The following WHRN variants were observed in gnomAD, a reference collection of about 807,000 sequenced individuals.
The protein encoded by WHRN is whirlin.
In WHRN, 41 loss-of-function variants were observed where a neutral mutation model predicts 68.3. That is an observed-to-expected ratio of 0.60 (90% CI 0.47 to 0.78). The LOEUF is 0.78. Among genes scored for constraint, WHRN ranks in the 30% least tolerant of loss-of-function variants. The pLI is 0.00. For synonymous variants in WHRN, 560 were observed against 561.3 expected (o/e 1.00, Z 0.03); for missense variants, 1,243 against 1,244.7 (o/e 1.00, Z 0.02).
chr9:114,505,199 C>G lies in WHRN; in HGVS notation c.-398G>C, dbSNP rs938161609. 3.3e-5 allele frequency: 6 copies of G among 179,564 alleles called. No homozygotes were observed. The highest frequency in any genetic ancestry group is 5.7e-5 in the Non-Finnish European group (5 of 87,152). 11.1% of individuals were successfully genotyped at this position (179,564 alleles called of 1,614,324 possible). A position where few individuals can be genotyped will look rare whatever the true frequency, so the allele number is the denominator to read the frequency against. ...TGGGGGCGCCGCAAAGCTGACCTGACTGCCCCGTCACACCATGCCCGGGGC... is the reference window on the plus strand; with the variant it reads ...TGGGGGCGCCGCAAAGCTGACCTGAGTGCCCCGTCACACCATGCCCGGGGC... On this transcript the variant is annotated 5_prime_UTR_variant, in exon 1 of 12. Transcript: ENST00000362057.
chr9:114,487,241 G>A (rs1001886932), intron 1 of WHRN, among the ~76,000 whole-genome samples: 2 of 146,420 alleles, frequency 1.4e-5, no homozygotes, highest in African/African-American at 2.6e-5. Context: ...AGAGAACTCA[G>A]TACCCAGAAC....
intron 3 of WHRN, among the ~76,000 whole-genome samples, chr9:114,445,427 GGAGT>G (rs1838735951): frequency 6.6e-6 from 1 of 152,182 alleles, no homozygotes; most frequent in Non-Finnish European, 1.5e-5. Flanking sequence ...ACTGTTCATA[GGAGT>G]TGCCTCCAAG....
rs115747361 is a variant in WHRN, at chr9:114,495,654, G to T, written c.618+8530C>A. On this transcript the variant is annotated intron_variant, in intron 1 of 11. Coordinates refer to ENST00000362057, the MANE Select transcript of WHRN (RefSeq NM_015404.4). ...ACATTTGGGGAAAGAGGAATTTGAG[G>T]GAGAGCTGTACATGTATATGGACCT... Among the ~76,000 whole-genome samples the T allele has an allele frequency of 8.8e-3, 1,342 of 152,268 alleles. 16 individuals carry two copies. Among genetic ancestry groups the T allele is most frequent in the African/African-American group, 0.03 (1,264 of 41,532 alleles).
chr9:114,469,941 A>G (rs545474567), intron 2 of WHRN, among the ~76,000 whole-genome samples: 1 of 152,312 alleles, frequency 6.6e-6, no homozygotes, highest in East Asian at 1.9e-4. Flanking sequence ...GCAGCACGGC[A>G]TCTTCCAATC....
In WHRN at chr9:114,402,923, G is replaced by A; in HGVS notation, c.2555C>T (p.Ala852Val). 6.2e-7 allele frequency: 1 copy of A among 1,611,058 alleles called. No homozygotes were observed. The change falls in exon 12 of 12, where the codon GCT (alanine) becomes GTT (valine). Residue 852 changes from alanine (A) to valine (V), a missense_variant. By Grantham distance (64) the Ala-to-Val change is moderately conservative. Coordinates refer to ENST00000362057, the MANE Select transcript of WHRN (RefSeq NM_015404.4). Reference protein sequence around the residue: ...RIVTIQRGGSAHNCGQLKVGH... With the variant: ...RIVTIQRGGSVHNCGQLKVGH... The stretch of plus-strand genomic sequence containing the variant: ...CACCTTGAGCTGCCCACAGTTGTGA[G>A]CTGAGCCGCCTCTCTGCAGGGAGGA...
intron 1 of WHRN, among the ~76,000 whole-genome samples, chr9:114,500,384 T>C (rs900644806): frequency 6.6e-6 from 1 of 152,146 alleles, no homozygotes; most frequent in Non-Finnish European, 1.5e-5. Context: ...CCATGCACAA[T>C]GGGAAAAGGA....
At chr9:114,498,051 C>A (rs1843613487) in intron 1 of WHRN, among the ~76,000 whole-genome samples, 1 of 152,206 alleles carries the variant, frequency 6.6e-6, no homozygotes, top group Non-Finnish European at 1.5e-5. Context: ...CATACACAGA[C>A]TTCCATCAGA....
chr9:114,456,680 A>T (rs1299571646), intron 3 of WHRN, among the ~76,000 whole-genome samples: 1 of 152,084 alleles, frequency 6.6e-6, no homozygotes, highest in Non-Finnish European at 1.5e-5. Context: ...ATAGAAAAAA[A>T]TTAGCTAGGT....
intron 1 of WHRN, among the ~76,000 whole-genome samples, chr9:114,491,342 G>A (rs77193312): frequency 1.2e-4 from 19 of 152,220 alleles, no homozygotes; most frequent in African/African-American, 3.9e-4. Context: ...AAACCTACTC[G>A]GCCGATGTCT....
chr9:114,438,601 C>T (rs1232827056), intron 3 of WHRN, among the ~76,000 whole-genome samples: 5 of 151,734 alleles, frequency 3.3e-5, no homozygotes, highest in African/African-American at 7.3e-5. Context: ...TACAGGTGCC[C>T]GCCACCACGC....
intron 1 of WHRN, among the ~76,000 whole-genome samples, chr9:114,486,967 A>G (rs1480533049): frequency 0.099 from 113 of 1,138 alleles, no homozygotes; most frequent in African/African-American, 0.15. Context: ...GTGTATATAT[A>G]TATATATATA....
Position 114,504,556 on chromosome 9 carries a change from C to T in WHRN, c.246G>A (p.Leu82=), listed in dbSNP as rs1844232697. Residue 82 remains leucine, a synonymous_variant, in exon 1 of 12, where the codon CTG becomes CTA. Coordinates refer to ENST00000362057, the MANE Select transcript of WHRN (RefSeq NM_015404.4). The part of the protein sequence containing the change: ...FDLVRTLRVL[L]DSPVKRRLLP... ...GCAGGCGCCGCTTGACCGGACTGTC[C>T]AGCAGCACGCGCAGGGTGCGCACCA... 2 of 1,611,178 alleles carry T rather than the reference C, an allele frequency of 1.2e-6. No homozygotes were observed. Among genetic ancestry groups the T allele is most frequent in the African/African-American group, 1.3e-5 (1 of 74,932 alleles).
At chr9:114,463,513 CAT>C (rs1437135830) in intron 3 of WHRN, among the ~76,000 whole-genome samples, 1 of 152,148 alleles carries the variant, frequency 6.6e-6, no homozygotes, top group Non-Finnish European at 1.5e-5. Context: ...AGAAAAAAGA[CAT>C]GAGTGGAGAA....
intron 3 of WHRN, among the ~76,000 whole-genome samples, chr9:114,439,859 A>G (rs768628493): frequency 2.0e-5 from 3 of 152,258 alleles, no homozygotes; most frequent in Non-Finnish European, 2.9e-5. Context: ...AATGCATAAA[A>G]TATGTGTAGA....
intron 3 of WHRN, among the ~76,000 whole-genome samples, chr9:114,450,836 CA>C (rs796198475): frequency 1.3e-5 from 2 of 149,762 alleles, no homozygotes; most frequent in Non-Finnish European, 3.0e-5. Context: ...TCCCCCCCCG[CA>C]AAAAAATACT....
chr9:114,435,983 A>C (rs1450054574), intron 3 of WHRN, among the ~76,000 whole-genome samples: 1 of 152,222 alleles, frequency 6.6e-6, no homozygotes, highest in Non-Finnish European at 1.5e-5. Context: ...GCTCTCTCTC[A>C]GCTCACTTAT....
intron 3 of WHRN, among the ~76,000 whole-genome samples, chr9:114,432,277 C>T (rs1360465003): frequency 6.6e-6 from 1 of 152,200 alleles, no homozygotes; most frequent in Non-Finnish European, 1.5e-5. Context: ...TGGCCAACCA[C>T]CAGTAAGCAG....
chr9:114,503,334 C>T (rs866015321), intron 1 of WHRN: 1 of 289,940 alleles, frequency 3.4e-6, no homozygotes, highest in East Asian at 1.7e-4. Context: ...CAAAGGAGGT[C>T]GGGGGAGGGG....
At chr9:114,480,567 C>T (rs935584398) in intron 1 of WHRN, among the ~76,000 whole-genome samples, 5 of 152,040 alleles carry the variant, frequency 3.3e-5, no homozygotes, top group Non-Finnish European at 7.4e-5. Context: ...CACCAGAACC[C>T]GAGAACAATG....
Sources: allele counts gnomAD v4.1 joint callset (sites outside exome capture counted in the v4.1 genomes callset), GRCh38; gene constraint gnomAD v4.1.1; transcripts MANE v1.5; gene names NCBI Gene and HGNC (gene_info 2026-07-23, HGNC 2026-07-21).